Variants in VPS13B observed in about 807,000 individuals in gnomAD.
VPS13B encodes intermembrane lipid transfer protein VPS13B.
VPS13B carries 285 observed loss-of-function variants against 426.4 expected under a neutral mutation model. The ratio of observed to expected loss-of-function variants is 0.67; its 90% CI spans 0.61 to 0.74. The LOEUF (loss-of-function observed/expected upper bound fraction) is 0.74, where lower values mean the gene tolerates loss of function less well. Ranked by LOEUF, VPS13B falls within the 30% of genes least tolerant of loss-of-function variation. The pLI, the probability that VPS13B is intolerant of heterozygous loss-of-function variation, is 0.00. For missense variants in VPS13B, 4,537 were observed against 4,782.6 expected, an observed-to-expected ratio of 0.95 and a Z score of 1.51; for synonymous variants, 1,676 against 1,676.4, an observed-to-expected ratio of 1.00 and a Z score of 0.01.
In VPS13B at chr8:99,784,298, T is replaced by C; in HGVS notation, c.7780-17T>C. The C allele has an allele frequency of 6.2e-7, 1 of 1,613,550 alleles. No individual in the cohort carries two copies. Among genetic ancestry groups the C allele is most frequent in the Non-Finnish European group, 8.5e-7 (1 of 1,179,586 alleles). Reference sequence around the variant, plus strand: ...TTAATCCGATCCATGTTGGCTTTCGTATCCTTTTTCTTTCAGAACAAATGC... The same window carrying C: ...TTAATCCGATCCATGTTGGCTTTCGCATCCTTTTTCTTTCAGAACAAATGC... On this transcript the variant is annotated splice_polypyrimidine_tract_variant and intron_variant, in intron 42 of 61. Transcript: ENST00000357162.
At chr8:99,849,516 C>T (rs1378691448) in intron 55 of VPS13B, among the ~76,000 whole-genome samples, 1 of 152,140 alleles carries the variant, frequency 6.6e-6, no homozygotes, top group African/African-American at 2.4e-5. Context: ...GTATCATATA[C>T]AGTCCTGGTG....
chr8:99,172,717 G>C (rs1192936633), intron 16 of VPS13B, among the ~76,000 whole-genome samples: 1 of 152,102 alleles, frequency 6.6e-6, no homozygotes, highest in Non-Finnish European at 1.5e-5. Context: ...TCTGAACTCT[G>C]CTAGTATTAG....
At chr8:99,739,201 C>T (rs952310799) in intron 39 of VPS13B, among the ~76,000 whole-genome samples, 3 of 152,346 alleles carry the variant, frequency 2.0e-5, no homozygotes, top group Non-Finnish European at 4.4e-5. Context: ...CGGAGGGTCC[C>T]ATACCCGTGG....
chr8:99,529,605 A>T (rs1458088717), intron 30 of VPS13B, among the ~76,000 whole-genome samples: 1 of 152,202 alleles, frequency 6.6e-6, no homozygotes, highest in Non-Finnish European at 1.5e-5. Flanking sequence ...CTTCCGTGAA[A>T]TAGTTACCAG....
At chr8:99,114,893 T>A (rs545772815) in intron 6 of VPS13B, among the ~76,000 whole-genome samples, 26 of 152,324 alleles carry the variant, frequency 1.7e-4, no homozygotes, top group African/African-American at 6.0e-4. Context: ...CGTGTTTAGA[T>A]AACAGCAGGA....
chr8:99,112,523 G>T (rs1847418636), intron 6 of VPS13B, among the ~76,000 whole-genome samples: 1 of 151,944 alleles, frequency 6.6e-6, no homozygotes, highest in African/African-American at 2.4e-5. Flanking sequence ...ATGCATATTG[G>T]TTTGTTTATA....
chr8:99,814,796 C>A (rs967215183), intron 44 of VPS13B, among the ~76,000 whole-genome samples: 1 of 152,132 alleles, frequency 6.6e-6, no homozygotes, highest in Non-Finnish European at 1.5e-5. Flanking sequence ...GAGAGAACAG[C>A]TATTGGGAAG....
At chr8:99,622,593 G>A (rs721995) in intron 33 of VPS13B, among the ~76,000 whole-genome samples, 31,732 of 152,074 alleles carry the variant, frequency 0.21, 3,983 homozygotes, top group East Asian at 0.45. Flanking sequence ...TTAATCTACA[G>A]ATAATTTTAT....
chr8:99,871,829 C>T (rs1484278842), intron 61 of VPS13B, 132 bp downstream of exon 61: 2 of 1,520,002 alleles, frequency 1.3e-6, no homozygotes, highest in African/African-American at 1.4e-5. Context: ...AGAGCTGCTA[C>T]CCAGAGGAGG....
rs748586982 is a variant in VPS13B, at chr8:99,556,599, C to CA, written c.4896dup (p.Glu1633ArgfsTer3). The CA allele has an allele frequency of 1.2e-6, 2 of 1,613,112 alleles. No individual in the cohort carries two copies. Among genetic ancestry groups the CA allele is most frequent in the Non-Finnish European group, 1.7e-6 (2 of 1,179,470 alleles). ...GAAAGTGTCTCAGGAGGGGTGGTAA[C>CA]AGAGACTGAAAGGAATTCTCAAAAT... On this transcript the variant is annotated frameshift_variant, in exon 31 of 62. Transcript: ENST00000357162. LOFTEE classifies it high-confidence loss of function.
At chr8:99,340,897 C>T in intron 19 of VPS13B, 3 of 310,312 alleles carry the variant, frequency 9.7e-6, no homozygotes, top group Middle Eastern at 8.9e-4. Flanking sequence ...GTCTGACTCT[C>T]TGTGGACTGT....
At chr8:99,435,323 C>A (rs1408584438) in intron 22 of VPS13B, among the ~76,000 whole-genome samples, 1 of 152,066 alleles carries the variant, frequency 6.6e-6, no homozygotes, top group Non-Finnish European at 1.5e-5. Context: ...CTCATTCCCT[C>A]TTATCTAATG....
chr8:99,616,094 A>T (rs1828074243), intron 33 of VPS13B, among the ~76,000 whole-genome samples: 1 of 152,146 alleles, frequency 6.6e-6, no homozygotes, highest in Non-Finnish European at 1.5e-5. Context: ...ATACCACATG[A>T]TTATTATTAT....
At chr8:99,804,451 G>A (rs956866380) in intron 43 of VPS13B, 1 of 152,196 alleles carries the variant, frequency 6.6e-6, no homozygotes, top group African/African-American at 2.4e-5. Context: ...ATCCTGTTTG[G>A]TATAGTAATT....
At chr8:99,367,555 T>C (rs1243078588) in intron 19 of VPS13B, among the ~76,000 whole-genome samples, 1 of 152,208 alleles carries the variant, frequency 6.6e-6, no homozygotes, top group Non-Finnish European at 1.5e-5. Context: ...TGGGAAGTCC[T>C]CCGTTACTAT....
chr8:99,362,865 A>G (rs1001794732), intron 19 of VPS13B, among the ~76,000 whole-genome samples: 1 of 152,170 alleles, frequency 6.6e-6, no homozygotes, highest in African/African-American at 2.4e-5. Context: ...TGGTAGCTCT[A>G]TATTTACCAT....
At chr8:99,765,200 G>A (rs939773586) in intron 39 of VPS13B, among the ~76,000 whole-genome samples, 2 of 152,166 alleles carry the variant, frequency 1.3e-5, no homozygotes, top group African/African-American at 2.4e-5. Flanking sequence ...AGCTGAGATC[G>A]TACCACTTCA....
rs1221058424 is a variant in VPS13B at position 99,043,749 on chromosome 8, C to T, written c.291+5183C>T. Reference sequence around the variant, plus strand: ...ATTTCAGTGTCCATATGGATTCTTACATAACTCTCTAGCAACACAATTCCT... The same window carrying T: ...ATTTCAGTGTCCATATGGATTCTTATATAACTCTCTAGCAACACAATTCCT... On this transcript the variant is annotated intron_variant, in intron 3 of 61. Coordinates refer to ENST00000357162, the MANE Select transcript of VPS13B (RefSeq NM_152564.5). 7.9e-5 allele frequency among the ~76,000 whole-genome samples: 12 copies of T among 152,144 alleles called. No homozygotes were observed. The South Asian group carries it at 2.5e-3, about 32-fold the overall frequency.
intron 54 of VPS13B, among the ~76,000 whole-genome samples, chr8:99,844,929 C>T (rs552846872): frequency 3.9e-4 from 59 of 152,290 alleles, no homozygotes; most frequent in African/African-American, 1.4e-3. Context: ...GTTCCAGACA[C>T]AGGCAACAGC....
Sources: allele counts gnomAD v4.1 joint callset (sites outside exome capture counted in the v4.1 genomes callset), GRCh38; gene constraint gnomAD v4.1.1; transcripts MANE v1.5; gene names NCBI Gene and HGNC (gene_info 2026-07-23, HGNC 2026-07-21).